Variants in GRP observed in about 807,000 individuals in gnomAD.
The protein encoded by GRP is gastrin releasing peptide.
In GRP, 11 loss-of-function variants were observed where a neutral mutation model predicts 12.7. That is an observed-to-expected ratio of 0.87 (90% CI 0.55 to 1.44). The LOEUF is 1.44. Ranked by LOEUF, GRP falls within the 40% of genes most tolerant of loss-of-function variation. The pLI is 0.00. For synonymous variants in GRP, 84 were observed against 77.7 expected (o/e 1.08, Z -0.43); for missense variants, 212 against 185.4 (o/e 1.14, Z -0.83).
intron 1 of GRP, among the ~76,000 whole-genome samples, chr18:59,221,947 T>G (rs2069842615): frequency 6.6e-6 from 1 of 152,064 alleles, no homozygotes; most frequent in Non-Finnish European, 1.5e-5. Flanking sequence ...GAGGTTGGAA[T>G]GGGTGAAGCT....
intron 1 of GRP, among the ~76,000 whole-genome samples, 161 bp from the exon 2 acceptor site, chr18:59,225,331 A>G (rs1028121539): frequency 3.9e-5 from 6 of 152,218 alleles, no homozygotes; most frequent in Non-Finnish European, 7.3e-5. Context: ...AGCAAAATCT[A>G]TCTGTCGTTT....
chr18:59,229,618 G>A (rs988315145), intron 2 of GRP, among the ~76,000 whole-genome samples: 2 of 152,194 alleles, frequency 1.3e-5, no homozygotes, highest in South Asian at 2.1e-4. Flanking sequence ...GAAGAAAATG[G>A]CTGATATGGA....
In GRP at chr18:59,225,566, A is replaced by C; in HGVS notation, c.214A>C (p.Arg72=). 6.2e-7 allele frequency: 1 copy of C among 1,614,040 alleles called. No individual in the cohort carries two copies. The highest frequency in any genetic ancestry group is 8.5e-7 in the Non-Finnish European group (1 of 1,179,938). Residue 72 remains arginine (R), a synonymous_variant, in exon 2 of 3, where the codon AGA becomes CGA. Transcript: ENST00000256857. The stretch of plus-strand genomic sequence containing the variant: ...GAGAGGGAGCCTGAAGCAGCAGCTG[A>C]GAGAGTACATCAGGTGGGAAGAAGC... The part of the protein sequence containing the change: ...SERGSLKQQL[R]EYIRWEEAAR...
intron 1 of GRP, 52 bp from the exon 2 acceptor site, chr18:59,225,440 C>T: frequency 6.5e-7 from 1 of 1,545,130 alleles, no homozygotes; most frequent in East Asian, 2.3e-5. Context: ...CTCATTCATT[C>T]CCTTTGGTTA....
At chr18:59,227,668 AT>A (rs2144112698) in intron 2 of GRP, among the ~76,000 whole-genome samples, 1 of 152,326 alleles carries the variant, frequency 6.6e-6, no homozygotes, top group African/African-American at 2.4e-5. Flanking sequence ...ACACACAATC[AT>A]GTTACTATTC....
upstream of GRP, among the ~76,000 whole-genome samples, chr18:59,219,446 A>AGG: frequency 2.0e-5 from 2 of 102,446 alleles, no homozygotes; most frequent in African/African-American, 3.9e-5. Flanking sequence ...GAGGGATGGG[A>AGG]AGGGGAGGAG....
intron 1 of GRP, among the ~76,000 whole-genome samples, chr18:59,225,290 C>T (rs75893087): frequency 0.025 from 3,852 of 152,270 alleles, 160 homozygotes; most frequent in African/African-American, 0.088. Flanking sequence ...GTTCTGAATG[C>T]TGTCTAGCTC....
chr18:59,222,250 G>A (rs1249396667), intron 1 of GRP, among the ~76,000 whole-genome samples: 3 of 152,248 alleles, frequency 2.0e-5, no homozygotes, highest in Non-Finnish European at 4.4e-5. Flanking sequence ...TCTGGTGCAA[G>A]TCAAGCCAAT....
intron 2 of GRP, among the ~76,000 whole-genome samples, chr18:59,226,997 CTTT>C (rs1568084812): frequency 0.031 from 1,168 of 37,590 alleles, 19 homozygotes; most frequent in African/African-American, 0.058. Flanking sequence ...TTCTTCCTTT[CTTT>C]CTTTCTTTCT....
At chr18:59,225,781 AG>A in intron 2 of GRP, 47 bp downstream of exon 2, 1 of 1,575,666 alleles carries the variant, frequency 6.3e-7, no homozygotes, top group Non-Finnish European at 8.7e-7. Context: ...ATCTGGGGAG[AG>A]GTGGAAAGAG....
Position 59,230,634 on chromosome 18 carries a change from T to C in GRP, c.*166T>C. 1 of 592,970 alleles carries C rather than the reference T, an allele frequency of 1.7e-6. No individual in the cohort carries two copies. Among genetic ancestry groups the C allele is most frequent in the Non-Finnish European group, 3.0e-6 (1 of 330,086 alleles). The allele number at this position is 592,970 out of a possible 1,614,324, so 36.7% of individuals were successfully genotyped here. ...GTGATTTTCAAGCAGCATCTTCTGG[T>C]TTAAACTTGTTTGCTGTGAACAATT... On this transcript the variant is annotated 3_prime_UTR_variant, in exon 3 of 3. Transcript: ENST00000256857.
chr18:59,223,761 G>A (rs895221799), intron 1 of GRP, among the ~76,000 whole-genome samples: 1 of 152,110 alleles, frequency 6.6e-6, no homozygotes, highest in African/African-American at 2.4e-5. Flanking sequence ...TACTTCCTGG[G>A]AAGTTGCACA....
chr18:59,226,643 C>T (rs11875195), intron 2 of GRP, among the ~76,000 whole-genome samples: 7,726 of 152,228 alleles, frequency 0.051, 582 homozygotes, highest in African/African-American at 0.16. Flanking sequence ...TGTGTTCAGT[C>T]GGCCTCAGAC....
intron 2 of GRP, among the ~76,000 whole-genome samples, chr18:59,227,032 T>TCTTTCTTTCTTTCTTTCTTCCTTC (rs1568084979): frequency 6.6e-4 from 93 of 141,456 alleles, no homozygotes; most frequent in Non-Finnish European, 1.3e-3. Flanking sequence ...TTTCTTTCTT[T>TCTTTCTTTCTTTCTTTCTTCCTTC]CTTTCTTTCT....
chr18:59,230,519 T>A lies in GRP; in HGVS notation c.*51T>A. ...AAAACAAAACCCCTAAGAGACTGCG[T>A]TCTGCAAGCATCAGTTCTACGGATC... On this transcript the variant is annotated 3_prime_UTR_variant, in exon 3 of 3. Coordinates refer to ENST00000256857, the MANE Select transcript of GRP (RefSeq NM_002091.5). The A allele has an allele frequency of 1.1e-6, 1 of 950,972 alleles. No homozygotes were observed. Among genetic ancestry groups the A allele is most frequent in the Non-Finnish European group, 1.7e-6 (1 of 574,772 alleles). The allele number at this position is 950,972 out of a possible 1,614,324, so 58.9% of individuals were successfully genotyped here.
intron 1 of GRP, among the ~76,000 whole-genome samples, chr18:59,224,368 A>T (rs1425846647): frequency 6.6e-6 from 1 of 152,254 alleles, no homozygotes; most frequent in Non-Finnish European, 1.5e-5. Flanking sequence ...CTGTTGGTGG[A>T]TAGAACTTCT....
intron 2 of GRP, among the ~76,000 whole-genome samples, chr18:59,228,640 C>G (rs2144114572): frequency 6.6e-6 from 1 of 152,300 alleles, no homozygotes; most frequent in Admixed American, 6.5e-5. Context: ...GCAATTATGC[C>G]CAGCAATGTT....
chr18:59,230,357 G>T, intron 2 of GRP, 47 bp from the exon 3 acceptor site: 1 of 1,013,944 alleles, frequency 9.9e-7, no homozygotes, highest in South Asian at 1.3e-5. Context: ...TCTAGGATTA[G>T]ACTTCAGCTC....
intron 2 of GRP, among the ~76,000 whole-genome samples, chr18:59,227,392 T>C (rs2144112032): frequency 6.6e-6 from 1 of 152,346 alleles, no homozygotes; most frequent in South Asian, 2.1e-4. Flanking sequence ...AGGTGTTATG[T>C]CATCAGCCCC....
Sources: gnomAD v4.1 joint callset for allele counts (sites outside exome capture counted in the v4.1 genomes callset) on GRCh38, gnomAD v4.1.1 for gene constraint, MANE v1.5 for transcripts, NCBI Gene and HGNC (gene_info 2026-07-23, HGNC 2026-07-21) for gene names.